The following DMD variants were observed in gnomAD, a reference collection of about 807,000 sequenced individuals.
DMD encodes mutant dystrophin.
DMD carries 63 observed loss-of-function variants against 330.1 expected under a neutral mutation model. That is an observed-to-expected ratio of 0.19 (90% CI 0.16 to 0.24). The LOEUF (loss-of-function observed/expected upper bound fraction) is 0.24, where lower values mean the gene tolerates loss of function less well. Ranked by LOEUF, DMD falls within the 10% of genes least tolerant of loss-of-function variation. DMD has a pLI of 1.00. For synonymous variants in DMD, 1,223 were observed against 959.8 expected, an observed-to-expected ratio of 1.27 and a Z score of -5.07; for missense variants, 3,344 against 2,684.1, an observed-to-expected ratio of 1.25 and a Z score of -5.43.
In DMD at chrX:32,343,175, A is replaced by C. The variant is rs778493714; in HGVS notation, c.5698T>G (p.Leu1900Val). The C allele has an allele frequency of 8.3e-7, 1 of 1,209,809 alleles. No individual in the cohort carries two copies. Among genetic ancestry groups the C allele is most frequent in the Non-Finnish European group, 1.1e-6 (1 of 894,195 alleles). Reference sequence around the variant, plus strand: ...TCTCTGGGCTCAGGTAGGCTGGCTAATTTTTTTTCAATGTCATCCAAGCAT... The same window carrying C: ...TCTCTGGGCTCAGGTAGGCTGGCTACTTTTTTTTCAATGTCATCCAAGCAT... ...LKCLDDIEKK[L>V]ASLPEPRDER... is the part of the protein sequence containing the mutation. Residue 1900 changes from leucine (L) to valine (V), a missense_variant, in exon 40 of 79, where the codon TTA becomes GTA. Leu to Val is a conservative substitution (Grantham distance 32, BLOSUM62 1). Coordinates refer to ENST00000357033, the MANE Select transcript of DMD (RefSeq NM_004006.3).
In DMD at chrX:32,319,820, T is replaced by C. The variant is rs142332458; in HGVS notation, c.5923-9544A>G. 3.0e-3 allele frequency among the ~76,000 whole-genome samples: 335 copies of C among 111,060 alleles called. 11 individuals are homozygous for C. The East Asian group carries it at 0.081, about 27-fold the overall frequency. On this transcript the variant is annotated intron_variant, in intron 41 of 78. Transcript: ENST00000357033. ...TAATGTCTATTAGCAAATTGAAGGG[T>C]ATGAGAAGACTTGTATTCAAAAAAT...
intron 7 of DMD, among the ~76,000 whole-genome samples, chrX:32,795,058 T>C (rs768836144): frequency 8.9e-6 from 1 of 112,214 alleles, no homozygotes; most frequent in East Asian, 2.8e-4. Context: ...GAAGAATTAA[T>C]GTTATTAACA....
chrX:31,760,088 G>T (rs2089454169), intron 51 of DMD, among the ~76,000 whole-genome samples: 1 of 111,641 alleles, frequency 9.0e-6, no homozygotes, highest in African/African-American at 3.3e-5. Context: ...GTACATCATA[G>T]ATTGCTAGGA....
At chrX:32,275,115 C>T (rs2097380806) in intron 43 of DMD, among the ~76,000 whole-genome samples, 1 of 111,720 alleles carries the variant, frequency 9.0e-6, no homozygotes, top group Admixed American at 9.5e-5. Flanking sequence ...ATTATACAGC[C>T]TTCAGCAGAA....
chrX:31,318,447 GA>G (rs1187548600), intron 62 of DMD, among the ~76,000 whole-genome samples: 2 of 112,377 alleles, frequency 1.8e-5, no homozygotes, highest in African/African-American at 6.5e-5. Flanking sequence ...ACAGTAACAA[GA>G]AATGTTGACT....
intron 7 of DMD, among the ~76,000 whole-genome samples, chrX:32,715,321 T>A (rs58087604): frequency 0.051 from 5,518 of 107,918 alleles, 330 homozygotes; most frequent in African/African-American, 0.17. Context: ...TACTAAAAAT[T>A]CAAAAATTAG....
At chrX:31,554,468 T>A (rs754804895) in intron 55 of DMD, among the ~76,000 whole-genome samples, 1 of 111,804 alleles carries the variant, frequency 8.9e-6, no homozygotes, top group South Asian at 3.8e-4. Flanking sequence ...GTTGGGAGAA[T>A]CACTAGTACT....
intron 5 of DMD, among the ~76,000 whole-genome samples, chrX:32,818,446 T>C (rs906589979): frequency 3.6e-5 from 4 of 111,574 alleles, no homozygotes; most frequent in Non-Finnish European, 5.6e-5. Context: ...AAGGCAGTTA[T>C]CAAAAAATCA....
intron 41 of DMD, among the ~76,000 whole-genome samples, chrX:32,340,038 G>T (rs748343465): frequency 9.0e-6 from 1 of 111,708 alleles, no homozygotes; most frequent in South Asian, 3.7e-4. Context: ...CTAATCAGTG[G>T]CCACAGTGAA....
intron 63 of DMD, among the ~76,000 whole-genome samples, chrX:31,228,906 G>C (rs1187246459): frequency 8.9e-6 from 1 of 112,255 alleles, no homozygotes. Flanking sequence ...CCTATAAATA[G>C]AGAAATCTAG....
intron 1 of DMD, among the ~76,000 whole-genome samples, chrX:33,303,005 C>T (rs1472503316): frequency 2.7e-5 from 3 of 111,755 alleles, no homozygotes; most frequent in Admixed American, 9.6e-5. Flanking sequence ...CCCAGAATGT[C>T]GTATTGTTGA....
intron 4 of DMD, among the ~76,000 whole-genome samples, chrX:32,829,242 G>A (rs894281874): frequency 6.3e-5 from 7 of 111,034 alleles, no homozygotes; most frequent in African/African-American, 1.6e-4. Flanking sequence ...TAAGGGTTAC[G>A]TTAAATTCAT....
chrX:32,389,729 T>G, intron 31 of DMD, 55 bp from the exon 32 acceptor site: 1 of 1,076,381 alleles, frequency 9.3e-7, no homozygotes, highest in South Asian at 1.9e-5. Context: ...AAACAATAAC[T>G]GGTCCTATTT....
chrX:33,297,495 T>C (rs1215775031), intron 1 of DMD, among the ~76,000 whole-genome samples: 1 of 111,063 alleles, frequency 9.0e-6, no homozygotes, highest in Admixed American at 9.6e-5. Flanking sequence ...ATTATTTACC[T>C]GAAGAACATG....
intron 57 of DMD, among the ~76,000 whole-genome samples, chrX:31,493,391 C>T (rs765719480): frequency 7.1e-5 from 8 of 112,284 alleles, no homozygotes; most frequent in African/African-American, 1.6e-4. Flanking sequence ...CAAATGTAGA[C>T]AACAGGGAAA....
intron 1 of DMD, among the ~76,000 whole-genome samples, chrX:33,189,336 T>C (rs1366382582): frequency 1.8e-5 from 2 of 111,747 alleles, no homozygotes; most frequent in East Asian, 5.6e-4. Context: ...AAAATAACAG[T>C]ATCCGTGTAA....
intron 29 of DMD, among the ~76,000 whole-genome samples, chrX:32,428,386 A>G (rs1489747846): frequency 1.8e-5 from 2 of 111,377 alleles, no homozygotes; most frequent in Non-Finnish European, 3.8e-5. Context: ...TGACATTTCC[A>G]TGTACTTCAG....
intron 2 of DMD, among the ~76,000 whole-genome samples, chrX:32,871,485 C>G (rs2082993580): frequency 9.0e-6 from 1 of 111,008 alleles, no homozygotes; most frequent in African/African-American, 3.3e-5. Flanking sequence ...TATAAAAATA[C>G]AAGGAAAGAG....
intron 6 of DMD, among the ~76,000 whole-genome samples, chrX:32,810,298 G>A (rs2077279561): frequency 9.0e-6 from 1 of 111,604 alleles, no homozygotes; most frequent in South Asian, 3.7e-4. Context: ...TTCAATACCA[G>A]CCATTTACTG....
Sources: allele counts gnomAD v4.1 joint callset (sites outside exome capture counted in the v4.1 genomes callset), GRCh38; gene constraint gnomAD v4.1.1; transcripts MANE v1.5; gene names NCBI Gene and HGNC (gene_info 2026-07-23, HGNC 2026-07-21).